MCCC2: variants seen among roughly 807,000 people sequenced by gnomAD.
The protein encoded by MCCC2 is methylcrotonyl-CoA carboxylase subunit 2.
In MCCC2, 52 loss-of-function variants were observed where a neutral mutation model predicts 77.2. The ratio of observed to expected loss-of-function variants is 0.67; its 90% CI spans 0.54 to 0.85. The LOEUF (loss-of-function observed/expected upper bound fraction) is 0.85, where lower values mean the gene tolerates loss of function less well. Ranked by LOEUF, MCCC2 falls within the 40% of genes least tolerant of loss-of-function variation. The pLI is 0.00. For synonymous variants in MCCC2, 253 were observed against 248.4 expected, an observed-to-expected ratio of 1.02 and a Z score of -0.18; for missense variants, 682 against 703.2, an observed-to-expected ratio of 0.97 and a Z score of 0.34.
intron 5 of MCCC2, among the ~76,000 whole-genome samples, chr5:71,603,551 C>T (rs1041492269): frequency 3.3e-5 from 5 of 150,702 alleles, no homozygotes; most frequent in Admixed American, 6.6e-5. Context: ...TTGTGTTTTT[C>T]TGTGAAGTTG....
At chr5:71,638,647 A>C (rs1348497652) in intron 10 of MCCC2, among the ~76,000 whole-genome samples, 1 of 152,126 alleles carries the variant, frequency 6.6e-6, no homozygotes, top group Admixed American at 6.5e-5. Flanking sequence ...CAGCCTCCCA[A>C]GTAGCTGGGA....
At chr5:71,607,446 G>A (rs867461432) in intron 6 of MCCC2, among the ~76,000 whole-genome samples, 12 of 145,740 alleles carry the variant, frequency 8.2e-5, no homozygotes, top group African/African-American at 1.8e-4. Flanking sequence ...TTTTTATTGC[G>A]TCTATTTGAT....
chr5:71,601,259 C>T (rs1745418092), intron 4 of MCCC2, among the ~76,000 whole-genome samples: 2 of 152,240 alleles, frequency 1.3e-5, no homozygotes, highest in African/African-American at 4.8e-5. Flanking sequence ...AACAAGTTGG[C>T]AGAGCCAGAA....
Position 71,635,192 on chromosome 5 carries a change from T to G in MCCC2, c.945T>G (p.Asp315Glu), listed in dbSNP as rs747973684. Reference protein sequence around the residue: ...EPSEEPLFPADELYGIVGANL... With the variant: ...EPSEEPLFPAEELYGIVGANL... Reference sequence around the variant, plus strand: ...CTGAAGAGCCTTTATTTCCTGCTGATGAATTGTATGGAATAGTTGGTGCTA... The same window carrying G: ...CTGAAGAGCCTTTATTTCCTGCTGAGGAATTGTATGGAATAGTTGGTGCTA... The change falls in exon 10 of 17, where the codon GAT becomes GAG. Residue 315 changes from aspartate (D) to glutamate (E), a missense_variant. Asp to Glu is a conservative substitution (Grantham distance 45). Coordinates refer to ENST00000340941, the MANE Select transcript of MCCC2 (RefSeq NM_022132.5). The G allele has an allele frequency of 6.2e-7, 1 of 1,614,136 alleles. No homozygotes were observed. The highest frequency in any genetic ancestry group is 8.5e-7 in the Non-Finnish European group (1 of 1,179,998).
intron 10 of MCCC2, chr5:71,636,343 G>T (rs7444232): frequency 1 from 160,010 of 160,010 alleles, 80,005 homozygotes; most frequent in Non-Finnish European, 1. Context: ...ATTTTTAAAT[G>T]AGGTTTTTAG....
chr5:71,622,131 T>C (rs1308955984), intron 6 of MCCC2, among the ~76,000 whole-genome samples: 2 of 152,160 alleles, frequency 1.3e-5, no homozygotes, highest in African/African-American at 4.8e-5. Flanking sequence ...CCTTTCAGTG[T>C]CCTCTTAGTG....
intron 6 of MCCC2, among the ~76,000 whole-genome samples, chr5:71,621,355 A>G (rs1746343258): frequency 1.3e-5 from 2 of 152,186 alleles, no homozygotes; most frequent in South Asian, 4.1e-4. Context: ...AAAATAAAAA[A>G]GAAAGCAGAC....
chr5:71,623,529 A>G (rs1746429843), intron 6 of MCCC2, among the ~76,000 whole-genome samples: 1 of 152,202 alleles, frequency 6.6e-6, no homozygotes, highest in African/African-American at 2.4e-5. Flanking sequence ...AGACAAGAAA[A>G]GAAAGAGGGC....
rs759038755 is a variant in MCCC2 at position 71,599,745 on chromosome 5, T to C, written c.368T>C (p.Ile123Thr). ...EVPGGGIITG[I>T]GRVSGVECMI... is the part of the protein sequence containing the mutation. ...CCAGGAGGTGGCATTATTACAGGCATTGGAAGAGTATCAGGGTGAGTATTC... is the reference window on the plus strand; with the variant it reads ...CCAGGAGGTGGCATTATTACAGGCACTGGAAGAGTATCAGGGTGAGTATTC... The change falls in exon 4 of 17, where the codon ATT (isoleucine) becomes ACT (threonine). Residue 123 changes from isoleucine to threonine, a missense_variant. Transcript: ENST00000340941. 6.2e-7 allele frequency: 1 copy of C among 1,613,848 alleles called. No homozygotes were observed. Among genetic ancestry groups the C allele is most frequent in the Non-Finnish European group, 8.5e-7 (1 of 1,179,706 alleles).
rs539274074 is a variant in MCCC2 at position 71,657,305 on chromosome 5, A to G, written c.*445A>G. ...CTTCAGTGGCATAAAGTGCCCTCAC[A>G]CTGCTGTGCAGCCATCACCACCATT... On this transcript the variant is annotated 3_prime_UTR_variant, in exon 17 of 17. Coordinates refer to ENST00000340941, the MANE Select transcript of MCCC2 (RefSeq NM_022132.5). The G allele has an allele frequency of 1.9e-5, 4 of 215,372 alleles. No individual in the cohort carries two copies. The East Asian group carries it at 3.8e-4, about 20-fold the overall frequency. The allele number at this position is 215,372 out of a possible 1,614,324, so 13.3% of individuals were successfully genotyped here.
At chr5:71,654,974 A>G (rs1201671870) in intron 16 of MCCC2, among the ~76,000 whole-genome samples, 1 of 151,652 alleles carries the variant, frequency 6.6e-6, no homozygotes, top group Non-Finnish European at 1.5e-5. Context: ...AGCTGGGATT[A>G]CAGGCGTGTG....
intron 12 of MCCC2, among the ~76,000 whole-genome samples, chr5:71,645,622 C>A (rs1022015088): frequency 3.4e-4 from 52 of 152,300 alleles, no homozygotes; most frequent in African/African-American, 1.1e-3. Flanking sequence ...TCTGGCTTTT[C>A]TAAAGTGGAG....
intron 8 of MCCC2, 106 bp downstream of exon 8, chr5:71,632,291 AC>A: frequency 2.0e-6 from 2 of 1,002,770 alleles, no homozygotes; most frequent in Non-Finnish European, 3.2e-6. Flanking sequence ...GCCAGACCAC[AC>A]CACAGTTTAT....
chr5:71,632,332 A>G (rs1746748757), intron 8 of MCCC2, 147 bp downstream of exon 8: 10 of 787,974 alleles, frequency 1.3e-5, no homozygotes, highest in Non-Finnish European at 2.2e-5. Context: ...TTAATGTTCA[A>G]TTCTTTGAAC....
chr5:71,592,006 G>A (rs1470114924), intron 1 of MCCC2, among the ~76,000 whole-genome samples: 2 of 152,112 alleles, frequency 1.3e-5, no homozygotes, highest in Non-Finnish European at 2.9e-5. Context: ...GGGCTTAAGC[G>A]ATGCTCCTGC....
intron 6 of MCCC2, among the ~76,000 whole-genome samples, chr5:71,626,100 T>C (rs1580310728): frequency 6.6e-6 from 1 of 152,266 alleles, no homozygotes; most frequent in East Asian, 1.9e-4. Context: ...TATGTACACA[T>C]CACCCAACTT....
chr5:71,649,367 A>G, intron 14 of MCCC2, 114 bp downstream of exon 14: 2 of 1,014,434 alleles, frequency 2.0e-6, no homozygotes, highest in South Asian at 1.4e-5. Context: ...ATCTCAATCA[A>G]TTATACCGTA....
At chr5:71,635,391 G>T in intron 10 of MCCC2, 145 bp downstream of exon 10, 1 of 760,032 alleles carries the variant, frequency 1.3e-6, no homozygotes. Flanking sequence ...ATGTGGCAAT[G>T]ATACCTTTCC....
intron 6 of MCCC2, among the ~76,000 whole-genome samples, chr5:71,614,854 T>C (rs1746109691): frequency 6.6e-6 from 1 of 152,144 alleles, no homozygotes; most frequent in African/African-American, 2.4e-5. Flanking sequence ...CAAAATCACG[T>C]TGATACCTTT....
Sources: gnomAD v4.1 joint callset for allele counts (sites outside exome capture counted in the v4.1 genomes callset) on GRCh38, gnomAD v4.1.1 for gene constraint, MANE v1.5 for transcripts, NCBI Gene and HGNC (gene_info 2026-07-23, HGNC 2026-07-21) for gene names.